Variants in HBS1L observed in about 807,000 individuals in gnomAD.
HBS1L encodes the protein HBS1-like protein.
A neutral mutation model predicts 88.9 loss-of-function variants in HBS1L; 55 were observed. The ratio of observed to expected loss-of-function variants is 0.62; its 90% confidence interval spans 0.50 to 0.77. The LOEUF is 0.77. Among genes scored for constraint, HBS1L ranks in the 30% least tolerant of loss-of-function variants. The pLI, the probability that HBS1L is intolerant of heterozygous loss-of-function variation, is 0.00. For synonymous variants in HBS1L, 267 were observed against 288.5 expected (o/e 0.93, Z 0.76); for missense variants, 741 against 829.3 (o/e 0.89, Z 1.31).
chr6:134,989,212 T>C (rs1054560319), intron 8 of HBS1L, among the ~76,000 whole-genome samples: 1 of 152,238 alleles, frequency 6.6e-6, no homozygotes, highest in African/African-American at 2.4e-5. Flanking sequence ...TTTTCATTCT[T>C]ATCAATTATT....
chr6:134,980,999 G>A (rs1774814423), intron 13 of HBS1L, among the ~76,000 whole-genome samples: 1 of 151,852 alleles, frequency 6.6e-6, no homozygotes, highest in East Asian at 1.9e-4. Context: ...TGGGGCTTCT[G>A]ATAAGACTTA....
At position 134,961,686 on chromosome 6, in the gene HBS1L, C is replaced by T. The variant is rs905758947; in HGVS notation, c.*3593G>A. On this transcript the variant is annotated 3_prime_UTR_variant, in exon 18 of 18. Transcript: ENST00000367837. Reference sequence around the variant, plus strand: ...GCACTCAATCCACTTTCTGACAGCACTCAATCCAGAAGAAACCCTTGCTCA... The same window carrying T: ...GCACTCAATCCACTTTCTGACAGCATTCAATCCAGAAGAAACCCTTGCTCA... The T allele has an allele frequency of 1.3e-5, 2 of 152,198 alleles. No individual in the cohort carries two copies. Among genetic ancestry groups the T allele is most frequent in the African/African-American group, 2.4e-5 (1 of 41,446 alleles). The allele number at this position is 152,198 out of a possible 1,614,324, so 9.4% of individuals were successfully genotyped here.
chr6:135,020,015 C>A lies in HBS1L; in HGVS notation c.431-17173G>T, dbSNP rs528443949. Among the ~76,000 whole-genome samples the A allele has an allele frequency of 1.0e-3, 157 of 151,418 alleles. 1 individual carries two copies. The highest frequency in any genetic ancestry group is 3.8e-3 in the African/African-American group (156 of 41,400). ...GGCCTTTTATTTACAAAAGCATAAT[C>A]AAAAATCCCTATATGTATGTGTCTA... On this transcript the variant is annotated intron_variant, in intron 4 of 17. Transcript: ENST00000367837.
intron 10 of HBS1L, 30 bp downstream of exon 10, chr6:134,986,706 T>G (rs758439708): frequency 5.5e-6 from 7 of 1,281,542 alleles, no homozygotes; most frequent in Non-Finnish European, 5.4e-6. Flanking sequence ...TTAAGGAAAG[T>G]AATAACAAAT....
At chr6:135,002,321 T>C (rs371098356) in intron 5 of HBS1L, among the ~76,000 whole-genome samples, 4 of 152,142 alleles carry the variant, frequency 2.6e-5, no homozygotes, top group Admixed American at 2.6e-4. Flanking sequence ...AATATGAAAA[T>C]CCAAAAGAGT....
chr6:135,023,281 A>G (rs546906760), intron 4 of HBS1L, among the ~76,000 whole-genome samples: 2 of 152,228 alleles, frequency 1.3e-5, no homozygotes, highest in South Asian at 4.1e-4. Context: ...CGTCTCTTCT[A>G]AAAATACAAA....
chr6:134,992,305 G>A (rs546588640), intron 8 of HBS1L, among the ~76,000 whole-genome samples: 56 of 152,246 alleles, frequency 3.7e-4, no homozygotes, highest in African/African-American at 1.3e-3. Flanking sequence ...ATACGTGATG[G>A]TGGTCCCATA....
intron 7 of HBS1L, among the ~76,000 whole-genome samples, chr6:134,994,289 G>C (rs1039098650): frequency 2.0e-5 from 3 of 151,954 alleles, no homozygotes; most frequent in Non-Finnish European, 4.4e-5. Flanking sequence ...ACTAATTATA[G>C]AAATGAGCTT....
intron 4 of HBS1L, among the ~76,000 whole-genome samples, chr6:135,025,251 T>G (rs9376082): frequency 2.0e-5 from 3 of 151,944 alleles, no homozygotes; most frequent in Non-Finnish European, 4.4e-5. Flanking sequence ...TATGAAGAAC[T>G]TCTTACCAAA....
intron 15 of HBS1L, among the ~76,000 whole-genome samples, chr6:134,972,429 T>C (rs1583058592): frequency 6.6e-6 from 1 of 152,276 alleles, no homozygotes; most frequent in African/African-American, 2.4e-5. Context: ...CTACCTTACA[T>C]ATGTACAAAA....
intron 4 of HBS1L, among the ~76,000 whole-genome samples, chr6:135,007,616 A>G (rs1775649752): frequency 6.6e-6 from 1 of 152,218 alleles, no homozygotes; most frequent in Non-Finnish European, 1.5e-5. Flanking sequence ...ATTCCCCCTC[A>G]TAACTAGCAC....
chr6:135,013,257 C>G (rs140252114), intron 4 of HBS1L, among the ~76,000 whole-genome samples: 92 of 152,312 alleles, frequency 6.0e-4, no homozygotes, highest in African/African-American at 2.1e-3. Context: ...ATGACTGGCA[C>G]ATATGAAAGC....
At chr6:134,979,627 A>T (rs956053251) in intron 13 of HBS1L, among the ~76,000 whole-genome samples, 6 of 152,114 alleles carry the variant, frequency 3.9e-5, no homozygotes, top group Non-Finnish European at 8.8e-5. Context: ...ACACAGTTCA[A>T]ATTATTCATA....
intron 1 of HBS1L, among the ~76,000 whole-genome samples, chr6:135,054,271 T>C (rs1583169432): frequency 6.6e-6 from 1 of 152,232 alleles, no homozygotes; most frequent in South Asian, 2.1e-4. Context: ...TTCATGGACA[T>C]TTCTCAAAGG....
intron 2 of HBS1L, among the ~76,000 whole-genome samples, chr6:135,049,763 G>T (rs547172914): frequency 5.1e-4 from 77 of 152,240 alleles, no homozygotes; most frequent in Admixed American, 8.5e-4. Flanking sequence ...GTAGAGACGG[G>T]GTTTCACCAT....
At chr6:134,991,283 T>C (rs1208710662) in intron 8 of HBS1L, among the ~76,000 whole-genome samples, 2 of 152,176 alleles carry the variant, frequency 1.3e-5, no homozygotes, top group Admixed American at 1.3e-4. Context: ...TCTTACACAC[T>C]TTAAATTATC....
chr6:134,982,654 A>G (rs1774865776), intron 12 of HBS1L, 92 bp from the exon 13 acceptor site: 6 of 605,396 alleles, frequency 9.9e-6, no homozygotes, highest in Admixed American at 9.0e-5. Flanking sequence ...GTAGTCATAT[A>G]AAACTAGTAG....
At chr6:135,037,069 T>C (rs1156400025) in intron 4 of HBS1L, 2 of 1,551,612 alleles carry the variant, frequency 1.3e-6, no homozygotes, top group African/African-American at 2.7e-5. Context: ...GTTGTCTACA[T>C]CAATTGTTTC....
intron 4 of HBS1L, among the ~76,000 whole-genome samples, chr6:135,039,070 T>G (rs1253295393): frequency 6.6e-6 from 1 of 152,150 alleles, no homozygotes; most frequent in Admixed American, 6.5e-5. Flanking sequence ...CCAAGAACTT[T>G]GGGAGGCCAA....
Sources: allele counts gnomAD v4.1 joint callset (sites outside exome capture counted in the v4.1 genomes callset), GRCh38; gene constraint gnomAD v4.1.1; transcripts MANE v1.5; gene names NCBI Gene and HGNC (gene_info 2026-07-23, HGNC 2026-07-21).